Variants in RARB observed in about 807,000 individuals in gnomAD.
RARB encodes the protein HBV-activated protein.
A neutral mutation model predicts 51.9 loss-of-function variants in RARB; 17 were observed. That is an observed-to-expected ratio of 0.33 (90% CI 0.22 to 0.49). RARB has a LOEUF of 0.49. Among genes scored for constraint, RARB ranks in the 20% least tolerant of loss-of-function variants. The pLI, the probability that RARB is intolerant of heterozygous loss-of-function variation, is 0.99. For synonymous variants in RARB, 215 were observed against 195.4 expected, an observed-to-expected ratio of 1.10 and a Z score of -0.84; for missense variants, 369 against 550.8, an observed-to-expected ratio of 0.67 and a Z score of 3.30.
At chr3:25,413,394 T>A (rs906174297) in intron 5 of RARB, among the ~76,000 whole-genome samples, 1 of 152,216 alleles carries the variant, frequency 6.6e-6, no homozygotes, top group Admixed American at 6.5e-5. Context: ...TTTGGGTAGT[T>A]TTCTCCTTGG....
rs368050317 is a variant in RARB, at chr3:25,004,734, CT to C, written c.-379-55387del. 2.7e-3 allele frequency among the ~76,000 whole-genome samples: 415 copies of C among 152,186 alleles called. 5 individuals carry two copies. Among genetic ancestry groups the C allele is most frequent in the Admixed American group, 0.021 (326 of 15,254 alleles). On this transcript the variant is annotated intron_variant, in intron 2 of 11. Transcript: ENST00000383772. Reference sequence around the variant, plus strand: ...CCTCTACTCATTCCCAATAGTTAGCCTTTTCCAAATTTTGAGATGGTAAATG... The same window carrying C: ...CCTCTACTCATTCCCAATAGTTAGCCTTTCCAAATTTTGAGATGGTAAATG...
intron 4 of RARB, among the ~76,000 whole-genome samples, chr3:25,143,590 C>T (rs948947820): frequency 2.0e-5 from 3 of 152,162 alleles, no homozygotes; most frequent in Non-Finnish European, 2.9e-5. Context: ...TTCAGAGATG[C>T]CCACACGGTG....
At chr3:24,850,131 A>G (rs1184299524) in intron 1 of RARB, among the ~76,000 whole-genome samples, 1 of 152,184 alleles carries the variant, frequency 6.6e-6, no homozygotes, top group Non-Finnish European at 1.5e-5. Flanking sequence ...CCCTTTTTCT[A>G]GCAGCATTAA....
chr3:25,042,111 C>G (rs1698126586), intron 2 of RARB, among the ~76,000 whole-genome samples: 1 of 152,166 alleles, frequency 6.6e-6, no homozygotes, highest in Non-Finnish European at 1.5e-5. Flanking sequence ...CTCCTGCTGA[C>G]TGATGCTAAT....
At chr3:24,885,881 A>G (rs1034204851) in intron 2 of RARB, among the ~76,000 whole-genome samples, 1 of 152,236 alleles carries the variant, frequency 6.6e-6, no homozygotes, top group Non-Finnish European at 1.5e-5. Context: ...AACTTAAACT[A>G]TATGCACATA....
At chr3:25,356,761 G>A (rs138819048) in intron 5 of RARB, among the ~76,000 whole-genome samples, 97 of 152,102 alleles carry the variant, frequency 6.4e-4, no homozygotes, top group Non-Finnish European at 9.3e-4. Context: ...GAGAATATGC[G>A]GTGTTTGGTT....
chr3:25,157,278 A>C (rs941847778), intron 4 of RARB, among the ~76,000 whole-genome samples: 23 of 152,118 alleles, frequency 1.5e-4, no homozygotes, highest in Non-Finnish European at 2.4e-4. Context: ...TATTAACAAA[A>C]TTAACAATGT....
intron 5 of RARB, among the ~76,000 whole-genome samples, chr3:25,237,669 ACTAT>A (rs991603131): frequency 1.8e-4 from 27 of 152,216 alleles, no homozygotes; most frequent in African/African-American, 6.0e-4. Context: ...ACCCATCATC[ACTAT>A]CTAATTCCAG....
intron 2 of RARB, among the ~76,000 whole-genome samples, chr3:25,059,854 C>T (rs144756118): frequency 7.9e-5 from 12 of 151,808 alleles, no homozygotes; most frequent in African/African-American, 2.7e-4. Flanking sequence ...TTGGTAAATA[C>T]GGTAGCATCT....
chr3:25,455,575 C>T (rs1407261218), intron 1 of RARB, among the ~76,000 whole-genome samples: 3 of 152,128 alleles, frequency 2.0e-5, no homozygotes, highest in South Asian at 2.1e-4. Context: ...TAGCAGCTTC[C>T]GAGGACAATG....
chr3:25,024,747 G>A (rs891389556), intron 2 of RARB, among the ~76,000 whole-genome samples: 1 of 152,016 alleles, frequency 6.6e-6, no homozygotes, highest in African/African-American at 2.4e-5. Flanking sequence ...GAGCTCAGGA[G>A]CTCGAGACCA....
At chr3:24,872,170 C>CA (rs911725429) in intron 2 of RARB, among the ~76,000 whole-genome samples, 7 of 152,140 alleles carry the variant, frequency 4.6e-5, no homozygotes, top group African/African-American at 1.7e-4. Context: ...CTTCAACTTC[C>CA]ACCACTTCCA....
chr3:24,841,084 G>A (rs1702415988), intron 1 of RARB, among the ~76,000 whole-genome samples: 1 of 152,078 alleles, frequency 6.6e-6, no homozygotes, highest in South Asian at 2.1e-4. Context: ...ATATTTTTTG[G>A]CTGTAGATAA....
At chr3:24,831,446 A>G (rs1265008149) in intron 1 of RARB, among the ~76,000 whole-genome samples, 2 of 152,218 alleles carry the variant, frequency 1.3e-5, no homozygotes, top group African/African-American at 4.8e-5. Context: ...TAATTTGGTA[A>G]TATAAAGTCA....
chr3:25,303,437 C>G (rs1473550867), intron 5 of RARB, among the ~76,000 whole-genome samples: 2 of 152,082 alleles, frequency 1.3e-5, no homozygotes, highest in Non-Finnish European at 2.9e-5. Context: ...GAGCTGAGCT[C>G]CCATTAATTT....
upstream of RARB, among the ~76,000 whole-genome samples, chr3:25,426,425 G>C (rs542837963): frequency 6.6e-6 from 1 of 152,342 alleles, no homozygotes; most frequent in South Asian, 2.1e-4. Context: ...TTCATAAAAG[G>C]ATCTTTGACT....
In RARB at chr3:25,597,834, CATTGAG is replaced by C. The variant is rs1575555786; in HGVS notation, c.*1223_*1228del. 4 of 152,162 alleles carry C rather than the reference CATTGAG, an allele frequency of 2.6e-5. No homozygotes were observed. Among genetic ancestry groups the C allele is most frequent in the East Asian group, 3.9e-4 (2 of 5,158 alleles). The allele number at this position is 152,162 out of a possible 1,614,324, so 9.4% of individuals were successfully genotyped here. A position where few individuals can be genotyped will look rare whatever the true frequency, so the allele number is the denominator to read the frequency against. ...TGTACTTTCACTGGCTCTGTTTGTA[CATTGAG>C]ATTGTTTGTTTAACAATGCTTTCTA... On this transcript the variant is annotated 3_prime_UTR_variant, in exon 8 of 8. Coordinates refer to ENST00000330688, the MANE Select transcript of RARB (RefSeq NM_000965.5).
intron 3 of RARB, among the ~76,000 whole-genome samples, chr3:25,130,860 C>T (rs368827232): frequency 2.8e-5 from 4 of 143,082 alleles, no homozygotes; most frequent in East Asian, 4.2e-4. Flanking sequence ...TATAATATGT[C>T]AATGTGTCAT....
intron 2 of RARB, among the ~76,000 whole-genome samples, chr3:24,927,078 G>A (rs1695335831): frequency 6.6e-6 from 1 of 152,064 alleles, no homozygotes; most frequent in African/African-American, 2.4e-5. Context: ...GCTTGATCCA[G>A]TAATGTTACT....
Sources: allele counts gnomAD v4.1 joint callset (sites outside exome capture counted in the v4.1 genomes callset), GRCh38; gene constraint gnomAD v4.1.1; transcripts MANE v1.5; gene names NCBI Gene and HGNC (gene_info 2026-07-23, HGNC 2026-07-21).